The following ELAVL1 variants were observed in gnomAD, a reference collection of about 807,000 sequenced individuals.
The protein encoded by ELAVL1 is ELAV like RNA binding protein 1.
Under a neutral mutation model 28.4 loss-of-function variants are expected in ELAVL1, and 1 was observed. That is an observed-to-expected ratio of 0.04 (90% CI 0.01 to 0.17). The LOEUF is 0.17. Ranked by LOEUF, ELAVL1 falls within the 10% of genes least tolerant of loss-of-function variation. ELAVL1 has a pLI of 1.00. For synonymous variants in ELAVL1, 174 were observed against 183.5 expected (o/e 0.95, Z 0.42); for missense variants, 157 against 447.2 (o/e 0.35, Z 5.85).
At chr19:7,980,829 G>C (rs1985441164) in intron 3 of ELAVL1, among the ~76,000 whole-genome samples, 1 of 152,172 alleles carries the variant, frequency 6.6e-6, no homozygotes. Flanking sequence ...TGGGAACACA[G>C]AGAGCCAGGC....
chr19:7,987,120 G>GA (rs1039354658), intron 2 of ELAVL1, among the ~76,000 whole-genome samples: 4 of 149,836 alleles, frequency 2.7e-5, no homozygotes, highest in Non-Finnish European at 4.5e-5. Flanking sequence ...GGGTGCCGGG[G>GA]GGGGGGGAGG....
intron 1 of ELAVL1, among the ~76,000 whole-genome samples, chr19:8,004,560 G>C (rs1026158784): frequency 1.3e-5 from 2 of 152,158 alleles, no homozygotes; most frequent in African/African-American, 4.8e-5. Flanking sequence ...ATTGCACAGG[G>C]AAGCCCCCAC....
intron 2 of ELAVL1, among the ~76,000 whole-genome samples, chr19:7,986,490 T>C (rs566481877): frequency 6.6e-6 from 1 of 152,142 alleles, no homozygotes; most frequent in Non-Finnish European, 1.5e-5. Context: ...CCTCACAGGG[T>C]GGCAAAGGTG....
intron 3 of ELAVL1, among the ~76,000 whole-genome samples, chr19:7,974,660 G>A (rs571239516): frequency 5.9e-5 from 9 of 152,258 alleles, no homozygotes; most frequent in East Asian, 3.9e-4. Context: ...TCACAGCCTC[G>A]TCAGGAGGCT....
At chr19:7,989,652 A>G (rs1402947485) in intron 2 of ELAVL1, among the ~76,000 whole-genome samples, 2 of 152,248 alleles carry the variant, frequency 1.3e-5, no homozygotes, top group African/African-American at 4.8e-5. Context: ...GAGAATTGTT[A>G]GTGGCACAGG....
At chr19:7,990,749 G>A (rs1985729828) in intron 2 of ELAVL1, among the ~76,000 whole-genome samples, 1 of 152,120 alleles carries the variant, frequency 6.6e-6, no homozygotes, top group African/African-American at 2.4e-5. Context: ...CCGCTCCTTG[G>A]CTTCCTAAAG....
intron 1 of ELAVL1, chr19:8,002,073 C>G (rs1402039882): frequency 1.6e-6 from 2 of 1,289,356 alleles, no homozygotes; most frequent in South Asian, 1.2e-5. Context: ...CAGCCAAGCC[C>G]TCTGCCCAGT....
At chr19:7,970,911 A>G (rs1261171951) in intron 4 of ELAVL1, among the ~76,000 whole-genome samples, 17 of 152,210 alleles carry the variant, frequency 1.1e-4, no homozygotes, top group Non-Finnish European at 4.4e-5. Context: ...GGCAAACTCC[A>G]CACAGGCTGG....
intron 2 of ELAVL1, 32 bp downstream of exon 2, chr19:7,991,612 C>T (rs745403835): frequency 1.5e-5 from 24 of 1,592,752 alleles, no homozygotes; most frequent in Non-Finnish European, 2.1e-5. Context: ...GCCACCAATA[C>T]CCGGTTTACT....
At chr19:7,988,487 A>G (rs142883475) in intron 2 of ELAVL1, among the ~76,000 whole-genome samples, 3 of 152,208 alleles carry the variant, frequency 2.0e-5, no homozygotes, top group Admixed American at 6.5e-5. Context: ...GCATGGCCTC[A>G]GGGGCAGTTA....
rs192441392 is a variant in ELAVL1 at position 7,998,018 on chromosome 19, G to A, written c.-16-6187C>T. 3.8e-3 allele frequency among the ~76,000 whole-genome samples: 583 copies of A among 152,180 alleles called. 1 individual carries two copies. Among genetic ancestry groups the A allele is most frequent in the Middle Eastern group, 0.01 (3 of 294 alleles). On this transcript the variant is annotated intron_variant, in intron 1 of 5. Transcript: ENST00000407627. ...TTTAAAAAGAGAACTTCTGCTTTGCGGCCCTGTTCCTCCTGACACTCTGAG... is the reference window on the plus strand; with the variant it reads ...TTTAAAAAGAGAACTTCTGCTTTGCAGCCCTGTTCCTCCTGACACTCTGAG...
At position 7,962,742 on chromosome 19, in the gene ELAVL1, C is replaced by T. The variant is rs552979194; in HGVS notation, c.*741G>A. 3 of 152,844 alleles carry T rather than the reference C, an allele frequency of 2.0e-5. No individual in the cohort carries two copies. In the East Asian group the frequency reaches 5.8e-4, roughly 29 times the overall value. 9.5% of individuals were successfully genotyped at this position (152,844 alleles called of 1,614,324 possible). On this transcript the variant is annotated 3_prime_UTR_variant, in exon 6 of 6. Coordinates refer to ENST00000407627, the MANE Select transcript of ELAVL1 (RefSeq NM_001419.3). Reference sequence around the variant, plus strand: ...TCGGGATGTCAGAGTAGCAACACATCTTCAGGCGTGCCTGGAGCTTAGATC... The same window carrying T: ...TCGGGATGTCAGAGTAGCAACACATTTTCAGGCGTGCCTGGAGCTTAGATC...
At position 7,982,902 on chromosome 19, in the gene ELAVL1, G is replaced by A. The variant is rs189718490; in HGVS notation, c.173-1716C>T. ...CTGTCACAGCTGGAGCGCCCTTCTC[G>A]TCACACGATGTCAAGGGCACAGGCC... On this transcript the variant is annotated intron_variant, in intron 2 of 5. Coordinates refer to ENST00000407627, the MANE Select transcript of ELAVL1 (RefSeq NM_001419.3). The surrounding 1 kb of genome is among the most constrained non-coding windows in gnomAD (Gnocchi z 4.3). Among the ~76,000 whole-genome samples the A allele has an allele frequency of 3.9e-3, 597 of 152,312 alleles. 4 individuals carry two copies. Among genetic ancestry groups the A allele is most frequent in the African/African-American group, 0.013 (551 of 41,564 alleles).
At chr19:7,991,975 C>T (rs1985765148) in intron 1 of ELAVL1, 144 bp from the exon 2 acceptor site, 3 of 689,684 alleles carry the variant, frequency 4.3e-6, no homozygotes, top group East Asian at 7.4e-5. Flanking sequence ...GAGTCTCACT[C>T]TGTCACCCAG....
At chr19:7,999,668 G>C (rs181375041) in intron 1 of ELAVL1, among the ~76,000 whole-genome samples, 1 of 151,650 alleles carries the variant, frequency 6.6e-6, no homozygotes, top group Non-Finnish European at 1.5e-5. Context: ...CTGCAGCCCC[G>C]GCCTCCTAGG....
intron 1 of ELAVL1, among the ~76,000 whole-genome samples, chr19:8,003,139 G>A (rs192873251): frequency 6.6e-6 from 1 of 151,816 alleles, no homozygotes; most frequent in Non-Finnish European, 1.5e-5. Flanking sequence ...TGTAATCCCA[G>A]GACTTTAGGA....
chr19:7,976,815 C>T (rs1378207373), intron 3 of ELAVL1, among the ~76,000 whole-genome samples: 7 of 151,546 alleles, frequency 4.6e-5, no homozygotes, highest in Non-Finnish European at 7.4e-5. Context: ...TTCTTGACTG[C>T]GTTGATCATG....
intron 1 of ELAVL1, among the ~76,000 whole-genome samples, chr19:7,996,252 G>A (rs1436520555): frequency 7.4e-5 from 11 of 148,622 alleles, no homozygotes; most frequent in Non-Finnish European, 3.0e-5. Context: ...CATGATCTCC[G>A]CTCACTGCAA....
rs1985460240 is a variant in ELAVL1, at chr19:7,981,383, G to T, written c.173-197C>A. 6.7e-6 allele frequency among the ~76,000 whole-genome samples: 1 copy of T among 149,402 alleles called. No individual in the cohort carries two copies. Among genetic ancestry groups the T allele is most frequent in the East Asian group, 2.0e-4 (1 of 5,112 alleles). ...TTTTTTTTTTTTTTTAAAGAGATAG[G>T]ATCTTGCTCTGTCACCCAGGGTGGA... On this transcript the variant is annotated intron_variant, in intron 2 of 5. Transcript: ENST00000407627. The surrounding 1 kb of genome is among the most constrained non-coding windows in gnomAD (Gnocchi z 4.2).
Sources: gnomAD v4.1 joint callset for allele counts (sites outside exome capture counted in the v4.1 genomes callset) on GRCh38, gnomAD v4.1.1 for gene constraint, Gnocchi (gnomAD v3.1) non-coding constraint, MANE v1.5 for transcripts, NCBI Gene and HGNC (gene_info 2026-07-23, HGNC 2026-07-21) for gene names.